The following KHDRBS2 variants were observed in gnomAD, a reference collection of about 807,000 sequenced individuals.
The protein encoded by KHDRBS2 is KH domain-containing, RNA-binding, signal transduction-associated protein 2.
A neutral mutation model predicts 44.3 loss-of-function variants in KHDRBS2; 26 were observed. The observed-to-expected ratio is 0.59, with a 90% CI of 0.43 to 0.81. KHDRBS2 has a LOEUF of 0.81. Among genes scored for constraint, KHDRBS2 ranks in the 40% least tolerant of loss-of-function variants. The pLI is 0.00. For missense variants in KHDRBS2, 476 were observed against 433.1 expected, an observed-to-expected ratio of 1.10 and a Z score of -0.88; for synonymous variants, 194 against 151.1, an observed-to-expected ratio of 1.28 and a Z score of -2.08.
At chr6:61,758,698 T>G (rs769023818) in intron 6 of KHDRBS2, among the ~76,000 whole-genome samples, 1 of 152,114 alleles carries the variant, frequency 6.6e-6, no homozygotes, top group Non-Finnish European at 1.5e-5. Context: ...AATATACTCA[T>G]GCTGTATGAT....
intron 7 of KHDRBS2, among the ~76,000 whole-genome samples, chr6:61,710,762 C>T (rs1256466353): frequency 6.8e-6 from 1 of 147,540 alleles, no homozygotes; most frequent in Non-Finnish European, 1.5e-5. Context: ...CTGCTCATAC[C>T]TTCAGGTAGA....
At chr6:61,918,166 C>A (rs1807370953) in intron 4 of KHDRBS2, among the ~76,000 whole-genome samples, 1 of 151,928 alleles carries the variant, frequency 6.6e-6, no homozygotes, top group Admixed American at 6.6e-5. Flanking sequence ...CAATGGCTTG[C>A]ATTTCTCATC....
At chr6:61,898,456 C>G (rs886813693) in intron 5 of KHDRBS2, among the ~76,000 whole-genome samples, 1 of 151,870 alleles carries the variant, frequency 6.6e-6, no homozygotes, top group Non-Finnish European at 1.5e-5. Context: ...AATTACATAA[C>G]ATATCCAAGG....
intron 4 of KHDRBS2, among the ~76,000 whole-genome samples, chr6:61,970,744 C>T (rs550660222): frequency 3.9e-5 from 6 of 152,242 alleles, no homozygotes; most frequent in African/African-American, 1.2e-4. Flanking sequence ...TGTTACGCCT[C>T]TCTTGCTCTA....
Position 62,071,977 on chromosome 6 carries a change from G to T in KHDRBS2, c.220-23983C>A, listed in dbSNP as rs574900937. The stretch of plus-strand genomic sequence containing the variant: ...ATTGATTCTTCCTACCCATGAGCAT[G>T]GAATGTTCTTCCATTTGTTTGTATA... On this transcript the variant is annotated intron_variant, in intron 2 of 8. Coordinates refer to ENST00000281156, the MANE Select transcript of KHDRBS2 (RefSeq NM_152688.4). 7.2e-5 allele frequency among the ~76,000 whole-genome samples: 11 copies of T among 152,262 alleles called. No homozygotes were observed. In the South Asian group the frequency reaches 2.3e-3, roughly 32 times the overall value.
At chr6:61,843,873 G>T (rs1225972107) in intron 6 of KHDRBS2, among the ~76,000 whole-genome samples, 1 of 151,960 alleles carries the variant, frequency 6.6e-6, no homozygotes, top group East Asian at 1.9e-4. Context: ...ATTATCATTT[G>T]ATCTATTATA....
intron 2 of KHDRBS2, among the ~76,000 whole-genome samples, chr6:62,081,087 A>T (rs183267817): frequency 3.9e-5 from 6 of 152,116 alleles, no homozygotes; most frequent in Non-Finnish European, 1.5e-5. Context: ...CCACCTTTGA[A>T]TGTGTCCTAT....
chr6:62,142,646 C>A (rs570958883), intron 2 of KHDRBS2, among the ~76,000 whole-genome samples: 48 of 151,990 alleles, frequency 3.2e-4, no homozygotes, highest in Middle Eastern at 3.4e-3. Flanking sequence ...GGATATAGGA[C>A]TACTTTAAGT....
the KHDRBS2 span, among the ~76,000 whole-genome samples, chr6:61,564,184 C>G: frequency 6.6e-6 from 1 of 152,104 alleles, no homozygotes; most frequent in East Asian, 1.9e-4. Context: ...CTAGCTTTAA[C>G]AAGCATGGCA....
intron 2 of KHDRBS2, among the ~76,000 whole-genome samples, chr6:62,140,855 A>T (rs1476804447): frequency 6.6e-6 from 1 of 152,208 alleles, no homozygotes; most frequent in Admixed American, 6.5e-5. Flanking sequence ...TAAGCTTTCA[A>T]AAAGGAGAAT....
At chr6:61,808,323 A>G (rs1787506783) in intron 6 of KHDRBS2, among the ~76,000 whole-genome samples, 2 of 152,256 alleles carry the variant, frequency 1.3e-5, no homozygotes, top group South Asian at 4.1e-4. Flanking sequence ...TAATCCATTA[A>G]TATGAAGTTG....
intron 1 of KHDRBS2, among the ~76,000 whole-genome samples, chr6:62,191,933 C>T (rs148484479): frequency 6.6e-6 from 1 of 151,902 alleles, no homozygotes; most frequent in African/African-American, 2.4e-5. Flanking sequence ...TTTTTAACAA[C>T]CTTATTGATC....
At chr6:61,675,426 C>A (rs191319380), downstream of KHDRBS2, among the ~76,000 whole-genome samples, 161 of 151,260 alleles carry the variant, frequency 1.1e-3, no homozygotes, top group African/African-American at 3.8e-3. Flanking sequence ...TGAAAATTAT[C>A]TAAATATTAC....
chr6:61,761,008 T>G (rs1300818050), intron 6 of KHDRBS2, among the ~76,000 whole-genome samples: 1 of 152,202 alleles, frequency 6.6e-6, no homozygotes, highest in African/African-American at 2.4e-5. Flanking sequence ...CAAATAGGGT[T>G]GAAAGGTATT....
At chr6:62,228,866 G>A (rs1432799548) in intron 1 of KHDRBS2, among the ~76,000 whole-genome samples, 1 of 152,148 alleles carries the variant, frequency 6.6e-6, no homozygotes, top group African/African-American at 2.4e-5. Context: ...CAGCAAAGAG[G>A]TGTGCCGCTC....
At chr6:61,560,383 T>C in the KHDRBS2 span, among the ~76,000 whole-genome samples, 1 of 152,174 alleles carries the variant, frequency 6.6e-6, no homozygotes, top group African/African-American at 2.4e-5. Flanking sequence ...TGTTATCCTT[T>C]TGAATAAACT....
intron 4 of KHDRBS2, among the ~76,000 whole-genome samples, chr6:61,932,500 G>C (rs949950444): frequency 2.0e-5 from 3 of 151,952 alleles, no homozygotes; most frequent in Non-Finnish European, 4.4e-5. Flanking sequence ...TAGATTCCAC[G>C]TAAGAGTGAA....
intron 6 of KHDRBS2, among the ~76,000 whole-genome samples, chr6:61,737,257 A>C (rs1473512132): frequency 3.3e-5 from 5 of 152,084 alleles, no homozygotes; most frequent in Non-Finnish European, 5.9e-5. Flanking sequence ...GAGTAGATGG[A>C]AATCTGTCCT....
chr6:61,713,882 C>G (rs1770943071), intron 7 of KHDRBS2, among the ~76,000 whole-genome samples: 1 of 151,712 alleles, frequency 6.6e-6, no homozygotes, highest in Non-Finnish European at 1.5e-5. Flanking sequence ...TTACCATGTA[C>G]TAAAGCCAAC....
Sources: allele counts gnomAD v4.1 joint callset (sites outside exome capture counted in the v4.1 genomes callset), GRCh38; gene constraint gnomAD v4.1.1; transcripts MANE v1.5; gene names NCBI Gene and HGNC (gene_info 2026-07-23, HGNC 2026-07-21).